The following CDKAL1 variants were observed in gnomAD, a reference collection of about 807,000 sequenced individuals.
CDKAL1 encodes CDKAL1 threonylcarbamoyladenosine tRNA methylthiotransferase.
In CDKAL1, 32 loss-of-function variants were observed where a neutral mutation model predicts 68.2. The ratio of observed to expected loss-of-function variants is 0.47; its 90% CI spans 0.35 to 0.63. The LOEUF (loss-of-function observed/expected upper bound fraction) is 0.63, where lower values mean the gene tolerates loss of function less well. CDKAL1 is among the 30% of genes least tolerant of loss of function. CDKAL1 has a pLI of 0.00. For synonymous variants in CDKAL1, 234 were observed against 244.3 expected (o/e 0.96, Z 0.39); for missense variants, 606 against 696.7 (o/e 0.87, Z 1.47).
chr6:20,984,260 G>T (rs571901635), intron 10 of CDKAL1, among the ~76,000 whole-genome samples: 10 of 152,326 alleles, frequency 6.6e-5, no homozygotes, highest in African/African-American at 2.4e-4. Context: ...AGCCACTTCA[G>T]TGTCAGCAGG....
intron 4 of CDKAL1, among the ~76,000 whole-genome samples, chr6:20,557,707 G>A (rs137974164): frequency 0.024 from 3,676 of 152,164 alleles, 158 homozygotes; most frequent in African/African-American, 0.084. Context: ...CAGGAGGATC[G>A]CCTGAGGTCA....
intron 9 of CDKAL1, among the ~76,000 whole-genome samples, chr6:20,874,738 A>G (rs1202592594): frequency 6.6e-6 from 1 of 151,890 alleles, no homozygotes; most frequent in Non-Finnish European, 1.5e-5. Flanking sequence ...CCGGGCATCA[A>G]GTGATCCGCC....
chr6:21,079,796 C>A (rs1039514182), intron 12 of CDKAL1, among the ~76,000 whole-genome samples: 4 of 152,206 alleles, frequency 2.6e-5, no homozygotes, highest in African/African-American at 9.7e-5. Context: ...AGTAGAAACA[C>A]CAACCCCTCC....
chr6:20,765,004 G>A (rs1467702747), intron 7 of CDKAL1, among the ~76,000 whole-genome samples: 1 of 152,044 alleles, frequency 6.6e-6, no homozygotes, highest in African/African-American at 2.4e-5. Flanking sequence ...AGTGAGTAAA[G>A]GAGCCAGGGA....
At chr6:20,773,568 G>T (rs1297727888) in intron 7 of CDKAL1, among the ~76,000 whole-genome samples, 1 of 151,266 alleles carries the variant, frequency 6.6e-6, no homozygotes, top group Non-Finnish European at 1.5e-5. Context: ...TTTTTTTTGA[G>T]GTGGAGTCTC....
At chr6:20,817,109 A>C (rs1415165619) in intron 8 of CDKAL1, among the ~76,000 whole-genome samples, 2 of 152,158 alleles carry the variant, frequency 1.3e-5, no homozygotes, top group Non-Finnish European at 2.9e-5. Context: ...AAATACTAGA[A>C]AAATGAAAAC....
Position 21,000,328 on chromosome 6 carries a change from C to T in CDKAL1, c.1011C>T (p.Tyr337=), listed in dbSNP as rs763040920. 1.2e-6 allele frequency: 2 copies of T among 1,613,662 alleles called. No individual in the cohort carries two copies. Among genetic ancestry groups the T allele is most frequent in the African/African-American group, 2.7e-5 (2 of 74,914 alleles). The change falls in exon 11 of 16, where the codon TAC becomes TAT. Residue 337 remains tyrosine (Y), a synonymous_variant. Coordinates refer to ENST00000274695, the MANE Select transcript of CDKAL1 (RefSeq NM_017774.3). ...TACTCATGGAAATGAAAAGAGAATA[C>T]TGTGTGGCTGACTTCAAAAGAGTAG... ...DSVLMEMKRE[Y]CVADFKRVVD...
At chr6:20,572,812 CTA>C (rs1764757708) in intron 4 of CDKAL1, among the ~76,000 whole-genome samples, 1 of 151,846 alleles carries the variant, frequency 6.6e-6, no homozygotes, top group Non-Finnish European at 1.5e-5. Flanking sequence ...AAAAATCAAG[CTA>C]ATTGCATACT....
At chr6:21,119,338 T>C (rs1446678313) in intron 13 of CDKAL1, among the ~76,000 whole-genome samples, 1 of 152,238 alleles carries the variant, frequency 6.6e-6, no homozygotes, top group Non-Finnish European at 1.5e-5. Flanking sequence ...TCATACTTTC[T>C]AGGATGTCAG....
chr6:21,095,064 T>G (rs947843533), intron 12 of CDKAL1, among the ~76,000 whole-genome samples: 18 of 152,094 alleles, frequency 1.2e-4, no homozygotes, highest in African/African-American at 4.3e-4. Context: ...ACGCAATAAG[T>G]GGATGGTTAG....
chr6:20,626,572 A>T (rs1040773274), intron 4 of CDKAL1, among the ~76,000 whole-genome samples: 2 of 152,176 alleles, frequency 1.3e-5, no homozygotes, highest in African/African-American at 2.4e-5. Context: ...TTATTACTAG[A>T]TGATATAGAG....
At chr6:20,651,511 T>C (rs1768769993) in intron 5 of CDKAL1, among the ~76,000 whole-genome samples, 1 of 152,222 alleles carries the variant, frequency 6.6e-6, no homozygotes, top group African/African-American at 2.4e-5. Context: ...CAGAGACAGT[T>C]TGACTTCCTC....
At chr6:21,086,638 G>A (rs1431464207) in intron 12 of CDKAL1, among the ~76,000 whole-genome samples, 1 of 152,030 alleles carries the variant, frequency 6.6e-6, no homozygotes, top group Non-Finnish European at 1.5e-5. Flanking sequence ...GCTCCTAGTA[G>A]CCCCTTTACC....
At chr6:21,086,136 T>C (rs575933321) in intron 12 of CDKAL1, among the ~76,000 whole-genome samples, 1 of 152,210 alleles carries the variant, frequency 6.6e-6, no homozygotes, top group Non-Finnish European at 1.5e-5. Flanking sequence ...GGGTAATGAT[T>C]GTTTTTATCC....
rs188663930 is a variant in CDKAL1 at position 20,764,740 on chromosome 6, G to T, written c.517+6097G>T. Among the ~76,000 whole-genome samples, 252 of 152,246 alleles carry T rather than the reference G, an allele frequency of 1.7e-3. 1 individual carries two copies. Among genetic ancestry groups the T allele is most frequent in the African/African-American group, 5.6e-3 (232 of 41,542 alleles). On this transcript the variant is annotated intron_variant, in intron 7 of 15. Transcript: ENST00000274695. ...TGATTGAGCTTAGATATGTAGCATG[G>T]TATATCTGGGAGGGTATTGGACCAC...
chr6:20,794,633 C>T (rs994017357), intron 8 of CDKAL1, among the ~76,000 whole-genome samples: 2 of 152,034 alleles, frequency 1.3e-5, no homozygotes, highest in Non-Finnish European at 2.9e-5. Flanking sequence ...TATTCATAGA[C>T]TGTTAGAGCT....
At chr6:20,556,038 G>A (rs1335786956) in intron 4 of CDKAL1, among the ~76,000 whole-genome samples, 1 of 152,008 alleles carries the variant, frequency 6.6e-6, no homozygotes, top group Non-Finnish European at 1.5e-5. Context: ...TGGTCAGTCT[G>A]TTAATTTCAG....
At chr6:20,788,407 T>C (rs138970681) in intron 8 of CDKAL1, among the ~76,000 whole-genome samples, 16 of 152,366 alleles carry the variant, frequency 1.1e-4, no homozygotes, top group African/African-American at 3.6e-4. Flanking sequence ...CTGTGGTTAT[T>C]ATTCATGTTC....
intron 5 of CDKAL1, among the ~76,000 whole-genome samples, chr6:20,699,915 C>T (rs982385729): frequency 2.6e-5 from 4 of 152,166 alleles, no homozygotes; most frequent in African/African-American, 9.7e-5. Flanking sequence ...GCAGTAGTGA[C>T]TAACCAGTCT....
Sources: gnomAD v4.1 joint callset for allele counts (sites outside exome capture counted in the v4.1 genomes callset) on GRCh38, gnomAD v4.1.1 for gene constraint, MANE v1.5 for transcripts, NCBI Gene and HGNC (gene_info 2026-07-23, HGNC 2026-07-21) for gene names.